The following NAA11 variants were observed in gnomAD, a reference collection of about 807,000 sequenced individuals.
NAA11 encodes the protein N-alpha-acetyltransferase 11, NatA catalytic subunit, also known as N-alpha-acetyltransferase 11.
Under a neutral mutation model 16.1 loss-of-function variants are expected in NAA11, and 15 were observed. That is an observed-to-expected ratio of 0.93 (90% confidence interval 0.62 to 1.44). The LOEUF is 1.44. Among genes scored for constraint, NAA11 ranks in the 40% most tolerant of loss-of-function variants. NAA11 has a pLI of 0.00. For missense variants in NAA11, 298 were observed against 291.3 expected (o/e 1.02, Z -0.17); for synonymous variants, 122 against 112.4 (o/e 1.09, Z -0.54).
the NAA11 span, among the ~76,000 whole-genome samples, chr4:79,186,313 T>A: frequency 6.6e-6 from 1 of 152,220 alleles, no homozygotes; most frequent in Admixed American, 6.5e-5. Context: ...TCTAAACATG[T>A]CTGAGTACAG....
At chr4:79,253,152 C>T (rs534092875) in intron 2 of NAA11, among the ~76,000 whole-genome samples, 5 of 152,178 alleles carry the variant, frequency 3.3e-5, no homozygotes, top group South Asian at 4.2e-4. Flanking sequence ...ATAAGGTTTT[C>T]GACATTTGCG....
At chr4:79,159,950 A>AT in the NAA11 span, among the ~76,000 whole-genome samples, 425 of 148,420 alleles carry the variant, frequency 2.9e-3, 1 homozygote, top group African/African-American at 0.01. Context: ...TCTATTAGAT[A>AT]TTTTTGTTCA....
At chr4:79,158,181 G>A in the NAA11 span, among the ~76,000 whole-genome samples, 2,102 of 152,054 alleles carry the variant, frequency 0.014, 25 homozygotes, top group Non-Finnish European at 0.02. Context: ...GATTACAGCC[G>A]TGAGACACTG....
At chr4:79,282,278 G>C (rs748700187) in intron 2 of NAA11, among the ~76,000 whole-genome samples, 2 of 152,084 alleles carry the variant, frequency 1.3e-5, no homozygotes, top group Non-Finnish European at 2.9e-5. Flanking sequence ...TGGATGACAG[G>C]CTTAGGGGTT....
rs539977827 is a variant in NAA11, at chr4:79,263,817, C to T, written c.*122+30188G>A. ...CTTCTCTCTTCTGAATCCCCAACAC[C>T]CCATCCCTCATCTTCACTTCCACTT... On this transcript the variant is annotated intron_variant and NMD_transcript_variant, in intron 2 of 2. Transcript: ENST00000511542. 5.3e-5 allele frequency among the ~76,000 whole-genome samples: 8 copies of T among 152,184 alleles called. No individual in the cohort carries two copies. The South Asian group carries it at 1.7e-3, about 32-fold the overall frequency.
chr4:79,219,564 T>C, the NAA11 span, among the ~76,000 whole-genome samples: 1 of 152,200 alleles, frequency 6.6e-6, no homozygotes, highest in African/African-American at 2.4e-5. Flanking sequence ...CTTGATTTCC[T>C]GTTATTTGTG....
the NAA11 span, among the ~76,000 whole-genome samples, chr4:79,183,247 G>A: frequency 2.6e-5 from 4 of 152,044 alleles, no homozygotes; most frequent in Non-Finnish European, 4.4e-5. Flanking sequence ...CTTCTTACAC[G>A]TTGTGTCACC....
At chr4:79,167,876 A>T in the NAA11 span, among the ~76,000 whole-genome samples, 1 of 151,964 alleles carries the variant, frequency 6.6e-6, no homozygotes, top group Admixed American at 6.6e-5. Flanking sequence ...AATTTTATTT[A>T]TTTATTTTAT....
chr4:79,306,239 G>T (rs1284692580), intron 1 of NAA11, among the ~76,000 whole-genome samples: 1 of 152,130 alleles, frequency 6.6e-6, no homozygotes, highest in Non-Finnish European at 1.5e-5. Context: ...AGCTTGTAAG[G>T]GCTGTGATAA....
chr4:79,249,762 C>T (rs956169637), intron 2 of NAA11, among the ~76,000 whole-genome samples: 7 of 152,172 alleles, frequency 4.6e-5, no homozygotes, highest in African/African-American at 1.7e-4. Flanking sequence ...ACACAGAGAA[C>T]CCTTACAAAA....
At chr4:79,281,839 A>G (rs569788751) in intron 2 of NAA11, among the ~76,000 whole-genome samples, 1 of 152,166 alleles carries the variant, frequency 6.6e-6, no homozygotes, top group South Asian at 2.1e-4. Context: ...AGAGACAGAA[A>G]CTAAACACCA....
chr4:79,278,812 C>T (rs914753283), intron 2 of NAA11, among the ~76,000 whole-genome samples: 1 of 152,072 alleles, frequency 6.6e-6, no homozygotes, highest in Non-Finnish European at 1.5e-5. Context: ...TGTCTTAGTA[C>T]ATTTATCCTG....
chr4:79,250,626 T>C (rs1179917659), intron 2 of NAA11, among the ~76,000 whole-genome samples: 3 of 152,134 alleles, frequency 2.0e-5, no homozygotes, highest in Non-Finnish European at 4.4e-5. Flanking sequence ...CAAAAATTGA[T>C]ATGTGGGACC....
At chr4:79,280,919 G>T (rs1722771391) in intron 2 of NAA11, among the ~76,000 whole-genome samples, 1 of 152,056 alleles carries the variant, frequency 6.6e-6, no homozygotes, top group Non-Finnish European at 1.5e-5. Flanking sequence ...GGGGGCATTG[G>T]GAAGTCTTGG....
the NAA11 span, among the ~76,000 whole-genome samples, chr4:79,171,385 G>T: frequency 6.6e-6 from 1 of 152,144 alleles, no homozygotes; most frequent in Non-Finnish European, 1.5e-5. Context: ...GACACAGCAT[G>T]AAGGTCTTCA....
At chr4:79,192,234 T>C in the NAA11 span, among the ~76,000 whole-genome samples, 1 of 150,104 alleles carries the variant, frequency 6.7e-6, no homozygotes, top group East Asian at 2.0e-4. Flanking sequence ...TCATTGATAA[T>C]TTTTTTTTTG....
intron 2 of NAA11, chr4:79,244,921 A>C (rs186327567): frequency 6.0e-6 from 1 of 166,164 alleles, no homozygotes; most frequent in Non-Finnish European, 1.3e-5. Flanking sequence ...AGTCTCGCTT[A>C]CTCAGTGCTC....
chr4:79,313,482 G>A (rs1461505566), downstream of NAA11, among the ~76,000 whole-genome samples: 1 of 152,162 alleles, frequency 6.6e-6, no homozygotes, highest in Non-Finnish European at 1.5e-5. Context: ...TGTTCTCTAG[G>A]TAAGCGCCTG....
intron 1 of NAA11, among the ~76,000 whole-genome samples, chr4:79,303,585 A>G (rs1332428816): frequency 2.0e-5 from 3 of 152,212 alleles, no homozygotes; most frequent in African/African-American, 4.8e-5. Flanking sequence ...TCAGACAGGA[A>G]GGCTCCTTGG....
Sources: allele counts gnomAD v4.1 joint callset (sites outside exome capture counted in the v4.1 genomes callset), GRCh38; gene constraint gnomAD v4.1.1; transcripts MANE v1.5; gene names NCBI Gene and HGNC (gene_info 2026-07-23, HGNC 2026-07-21).